Variants in EXT2 observed in about 807,000 individuals in gnomAD.
EXT2 encodes the protein exostosin-2.
EXT2 carries 53 observed loss-of-function variants against 81.6 expected under a neutral mutation model. The ratio of observed to expected loss-of-function variants is 0.65; its 90% confidence interval spans 0.52 to 0.82. EXT2 has a LOEUF of 0.82. EXT2 is among the 40% of genes least tolerant of loss of function. The pLI, the probability that EXT2 is intolerant of heterozygous loss-of-function variation, is 0.00. For missense variants in EXT2, 774 were observed against 910.2 expected, an observed-to-expected ratio of 0.85 and a Z score of 1.93; for synonymous variants, 320 against 340.0, an observed-to-expected ratio of 0.94 and a Z score of 0.65.
At chr11:44,143,927 G>A in intron 7 of EXT2, among the ~76,000 whole-genome samples, 1 of 152,126 alleles carries the variant, frequency 6.6e-6, no homozygotes, top group East Asian at 1.9e-4. Context: ...ACGCTAACAT[G>A]GCTGTCATGA....
chr11:44,138,944 AT>A (rs1954607619), intron 7 of EXT2, among the ~76,000 whole-genome samples: 2 of 152,196 alleles, frequency 1.3e-5, no homozygotes, highest in African/African-American at 4.8e-5. Context: ...GCATTTAAGT[AT>A]TAGAAGGAGC....
At chr11:44,187,951 G>A (rs1311202707) in intron 8 of EXT2, among the ~76,000 whole-genome samples, 1 of 151,850 alleles carries the variant, frequency 6.6e-6, no homozygotes, top group Non-Finnish European at 1.5e-5. Context: ...TTTTCATCTT[G>A]TACCCAAATT....
intron 7 of EXT2, among the ~76,000 whole-genome samples, chr11:44,167,288 C>G (rs1565218954): frequency 6.6e-6 from 1 of 152,156 alleles, no homozygotes; most frequent in Non-Finnish European, 1.5e-5. Flanking sequence ...TACACATGAT[C>G]AGAGCAAGAC....
chr11:44,204,606 G>A lies in EXT2; in HGVS notation c.1496-2187G>A, dbSNP rs1273340760. Among the ~76,000 whole-genome samples the A allele has an allele frequency of 3.9e-5, 6 of 152,332 alleles. No individual in the cohort carries two copies. The East Asian group carries it at 1.2e-3, about 29-fold the overall frequency. ...TTAGGAACCAAGCTGCACAGCAGGAGGTGAGTGGTGGGTACCACCTGAGTT... is the reference window on the plus strand; with the variant it reads ...TTAGGAACCAAGCTGCACAGCAGGAAGTGAGTGGTGGGTACCACCTGAGTT... On this transcript the variant is annotated intron_variant, in intron 9 of 13. Transcript: ENST00000533608.
At chr11:44,179,794 C>T (rs1955209699) in intron 8 of EXT2, among the ~76,000 whole-genome samples, 1 of 152,208 alleles carries the variant, frequency 6.6e-6, no homozygotes, top group Non-Finnish European at 1.5e-5. Context: ...TGGGTCATTA[C>T]AGCTGCAGAT....
At chr11:44,173,133 T>C (rs1431487610) in intron 8 of EXT2, among the ~76,000 whole-genome samples, 2 of 152,020 alleles carry the variant, frequency 1.3e-5, no homozygotes, top group African/African-American at 4.8e-5. Context: ...TGTAGTGGAG[T>C]AGAGTGGTGT....
Position 44,242,603 on chromosome 11 carries a change from A to G in EXT2, c.2019-1546A>G, listed in dbSNP as rs576046895. ...TCTCTGAACCTTAATTTCTTAACCC[A>G]TAACATGAGGCTACTATACACCCAA... On this transcript the variant is annotated intron_variant, in intron 13 of 13. Coordinates refer to ENST00000533608, the MANE Select transcript of EXT2 (RefSeq NM_207122.2). Among the ~76,000 whole-genome samples the G allele has an allele frequency of 9.9e-4, 151 of 152,070 alleles. 1 individual carries two copies. The highest frequency in any genetic ancestry group is 3.0e-3 in the Admixed American group (46 of 15,276).
intron 7 of EXT2, among the ~76,000 whole-genome samples, chr11:44,162,627 G>C (rs997275958): frequency 2.1e-5 from 3 of 140,900 alleles, no homozygotes; most frequent in Non-Finnish European, 3.1e-5. Context: ...CAAAGCAATA[G>C]ACAAATACTG....
chr11:44,171,564 C>T lies in EXT2; in HGVS notation c.1174-47C>T, dbSNP rs765730480. 1.9e-6 allele frequency: 3 copies of T among 1,613,702 alleles called. No individual in the cohort carries two copies. In the East Asian group the frequency reaches 6.7e-5, roughly 36 times the overall value. On this transcript the variant is annotated intron_variant, in intron 7 of 13. Transcript: ENST00000533608. ...ACTATGATAGAGTATCTAGTTTTCCCACTCTGTCTCGCTTGCTCACTTAAA... is the reference window on the plus strand; with the variant it reads ...ACTATGATAGAGTATCTAGTTTTCCTACTCTGTCTCGCTTGCTCACTTAAA...
intron 10 of EXT2, among the ~76,000 whole-genome samples, chr11:44,207,564 G>C (rs1219277911): frequency 6.6e-6 from 1 of 152,232 alleles, no homozygotes; most frequent in African/African-American, 2.4e-5. Context: ...GATGGGCCCT[G>C]TCAGGGTGTA....
intron 7 of EXT2, among the ~76,000 whole-genome samples, chr11:44,159,744 G>C (rs1330600872): frequency 6.6e-6 from 1 of 152,134 alleles, no homozygotes; most frequent in South Asian, 2.1e-4. Flanking sequence ...TGGGAAATAG[G>C]CCTTCAATGG....
intron 10 of EXT2, among the ~76,000 whole-genome samples, chr11:44,225,345 T>C (rs1316016032): frequency 6.6e-6 from 1 of 152,224 alleles, no homozygotes; most frequent in Admixed American, 6.5e-5. Context: ...GTCTCACTAG[T>C]TTGCTGCACA....
intron 3 of EXT2, 54 bp downstream of exon 3, chr11:44,109,337 A>G: frequency 2.8e-6 from 4 of 1,422,390 alleles, no homozygotes; most frequent in South Asian, 2.3e-5. Flanking sequence ...CATTTTGTTC[A>G]TGTGAAATTA....
intron 8 of EXT2, among the ~76,000 whole-genome samples, chr11:44,195,282 A>G (rs1274523135): frequency 6.6e-6 from 1 of 152,038 alleles, no homozygotes; most frequent in Non-Finnish European, 1.5e-5. Flanking sequence ...TAAAAATACA[A>G]AATTAGCCCA....
intron 10 of EXT2, among the ~76,000 whole-genome samples, chr11:44,211,430 G>A (rs1185893671): frequency 2.6e-5 from 4 of 152,182 alleles, no homozygotes; most frequent in South Asian, 2.1e-4. Flanking sequence ...TATGCACAAT[G>A]GAATACTATT....
intron 7 of EXT2, among the ~76,000 whole-genome samples, chr11:44,140,822 CT>C (rs1954635606): frequency 6.6e-6 from 1 of 152,192 alleles, no homozygotes. Flanking sequence ...CTGTATACAG[CT>C]TTTTGGCACA....
In EXT2 at chr11:44,109,262, C is replaced by T. The variant is rs771803942; in HGVS notation, c.605C>T (p.Ala202Val). 63 of 1,614,102 alleles carry T rather than the reference C, an allele frequency of 3.9e-5. No individual in the cohort carries two copies. In the East Asian group the frequency reaches 1.4e-3, roughly 35 times the overall value. ...LPGGPPDYNT[A>V]LDVPRDRALL... ...GGAGGTCCCCCAGATTATAACACAG[C>T]CCTGGATGTCCCCAGAGACAGGTAG... The change falls in exon 3 of 14, where the codon GCC becomes GTC. Residue 202 changes from alanine (A) to valine (V), a missense_variant. Around this residue, in one of 2 missense-constraint regions of EXT2, gnomAD observed 626 missense variants for 670.5 expected, o/e 0.93. Coordinates refer to ENST00000533608, the MANE Select transcript of EXT2 (RefSeq NM_207122.2).
intron 8 of EXT2, among the ~76,000 whole-genome samples, chr11:44,184,894 T>C (rs1366825019): frequency 6.6e-6 from 1 of 152,202 alleles, no homozygotes; most frequent in Admixed American, 6.5e-5. Context: ...GTAAATACAG[T>C]TGTCTTAAGA....
intron 7 of EXT2, among the ~76,000 whole-genome samples, chr11:44,171,408 A>AT (rs1242358152): frequency 6.6e-6 from 1 of 152,202 alleles, no homozygotes; most frequent in Non-Finnish European, 1.5e-5. Context: ...ACTTGCTAAC[A>AT]TTTTATTTTG....
Sources: gnomAD v4.1 joint callset for allele counts (sites outside exome capture counted in the v4.1 genomes callset) on GRCh38, gnomAD v4.1.1 for gene constraint, gnomAD v4.1.1 regional missense constraint, MANE v1.5 for transcripts, NCBI Gene and HGNC (gene_info 2026-07-23, HGNC 2026-07-21) for gene names.